The following AMOTL1 variants were observed in gnomAD, a reference collection of about 807,000 sequenced individuals.
The protein encoded by AMOTL1 is angiomotin like 1.
A neutral mutation model predicts 102.9 loss-of-function variants in AMOTL1; 45 were observed. The observed-to-expected ratio is 0.44, with a 90% CI of 0.34 to 0.56. AMOTL1 has a LOEUF of 0.56. AMOTL1 is among the 20% of genes least tolerant of loss of function. The pLI, the probability that AMOTL1 is intolerant of heterozygous loss-of-function variation, is 0.01. For synonymous variants in AMOTL1, 481 were observed against 484.7 expected (o/e 0.99, Z 0.10); for missense variants, 1,114 against 1,225.6 (o/e 0.91, Z 1.36).
chr11:94,855,882 A>T (rs1952651701), intron 8 of AMOTL1, among the ~76,000 whole-genome samples: 1 of 152,112 alleles, frequency 6.6e-6, no homozygotes. Context: ...CCAGTAGGGG[A>T]CAGAAATTTC....
At chr11:94,842,491 T>C in intron 6 of AMOTL1, among the ~76,000 whole-genome samples, 1 of 152,190 alleles carries the variant, frequency 6.6e-6, no homozygotes, top group Admixed American at 6.5e-5. Flanking sequence ...TTAGAAGAAT[T>C]TTGCTGCACA....
chr11:94,863,279 TAA>T (rs57178685), intron 9 of AMOTL1, among the ~76,000 whole-genome samples: 68 of 120,358 alleles, frequency 5.6e-4, no homozygotes, highest in Admixed American at 8.7e-4. Flanking sequence ...GGCTATTCTG[TAA>T]AAAAAAAAAA....
intron 3 of AMOTL1, among the ~76,000 whole-genome samples, chr11:94,758,055 C>T (rs1322156623): frequency 1.3e-5 from 2 of 152,142 alleles, no homozygotes; most frequent in African/African-American, 4.8e-5. Flanking sequence ...GAGTGAGACT[C>T]CATCTCAAAA....
At chr11:94,793,584 C>T (rs1370938710) in intron 1 of AMOTL1, among the ~76,000 whole-genome samples, 39 of 152,220 alleles carry the variant, frequency 2.6e-4, no homozygotes, top group Non-Finnish European at 4.4e-5. Context: ...AAAGAGGAAG[C>T]CAGATTAGGA....
intron 3 of AMOTL1, among the ~76,000 whole-genome samples, chr11:94,747,962 GA>G (rs1490050215): frequency 1.3e-5 from 2 of 152,142 alleles, no homozygotes; most frequent in African/African-American, 4.8e-5. Context: ...GGGTGGGGTG[GA>G]AAAATGTAGT....
rs191282221 is a variant in AMOTL1, at chr11:94,811,265, G to A, written c.1122-10265G>A. 4.1e-3 allele frequency among the ~76,000 whole-genome samples: 631 copies of A among 152,216 alleles called. 12 individuals are homozygous for A. The highest frequency in any genetic ancestry group is 0.035 in the South Asian group (167 of 4,796). ...CCCAGCACTTTGGGAGGCTGCAGCA[G>A]GTGGAATGGCTGAGGTCAGGGGTTC... is the stretch of plus-strand genomic sequence containing the variant. On this transcript the variant is annotated intron_variant, in intron 3 of 12. Coordinates refer to ENST00000433060, the MANE Select transcript of AMOTL1 (RefSeq NM_130847.3).
intron 3 of AMOTL1, among the ~76,000 whole-genome samples, chr11:94,818,652 A>G (rs1183449621): frequency 1.3e-5 from 2 of 152,232 alleles, no homozygotes; most frequent in African/African-American, 4.8e-5. Context: ...ACCTGTTATT[A>G]GATTCTAGTC....
At chr11:94,838,331 C>A in intron 6 of AMOTL1, among the ~76,000 whole-genome samples, 1 of 152,196 alleles carries the variant, frequency 6.6e-6, no homozygotes, top group Admixed American at 6.5e-5. Context: ...TGATCATTAT[C>A]ATTTATTCAA....
chr11:94,806,815 CTTA>C, intron 3 of AMOTL1, among the ~76,000 whole-genome samples: 1 of 152,234 alleles, frequency 6.6e-6, no homozygotes, highest in East Asian at 1.9e-4. Context: ...TGATTTTGAT[CTTA>C]GTTTACCCAA....
intron 1 of AMOTL1, among the ~76,000 whole-genome samples, chr11:94,710,876 T>A (rs779075808): frequency 6.6e-6 from 1 of 152,188 alleles, no homozygotes; most frequent in Non-Finnish European, 1.5e-5. Flanking sequence ...AGTCCTGTTC[T>A]TACCTTCCAC....
intron 1 of AMOTL1, among the ~76,000 whole-genome samples, chr11:94,714,025 T>C (rs1387723375): frequency 2.0e-5 from 3 of 151,948 alleles, no homozygotes. Flanking sequence ...TTGCAGATGT[T>C]TTGTAGAGGT....
At chr11:94,729,670 C>G (rs1168612953) in intron 2 of AMOTL1, among the ~76,000 whole-genome samples, 1 of 152,126 alleles carries the variant, frequency 6.6e-6, no homozygotes. Flanking sequence ...TCCCTCAAAT[C>G]TGATAGAGAC....
intron 3 of AMOTL1, among the ~76,000 whole-genome samples, chr11:94,745,057 TA>T (rs1217493514): frequency 3.3e-5 from 5 of 152,160 alleles, no homozygotes; most frequent in Admixed American, 6.6e-5. Flanking sequence ...CTTGACCTGC[TA>T]ACAAACTTTT....
Position 94,799,568 on chromosome 11 carries a change from A to T in AMOTL1, c.378A>T (p.Thr126=). ...MNLLAIQHQA[T]GSAGPAHPTN... is the part of the protein sequence containing the mutation. ...TGCTGGCCATTCAGCACCAGGCCAC[A>T]GGGAGTGCAGGACCAGCCCATCCTA... is the stretch of plus-strand genomic sequence containing the variant. The change falls in exon 3 of 13, where the codon ACA becomes ACT. Residue 126 remains threonine, a synonymous_variant. Transcript: ENST00000433060. This position sits in a 1 kb window ranked among gnomAD's most constrained non-coding sequence, Gnocchi z 4.5. 6.2e-7 allele frequency: 1 copy of T among 1,613,818 alleles called. No individual in the cohort carries two copies. The highest frequency in any genetic ancestry group is 8.5e-7 in the Non-Finnish European group (1 of 1,179,822).
intron 5 of AMOTL1, among the ~76,000 whole-genome samples, chr11:94,831,144 G>A (rs1478084099): frequency 1.3e-5 from 2 of 152,156 alleles, no homozygotes; most frequent in Non-Finnish European, 2.9e-5. Flanking sequence ...CTGTCTTTGT[G>A]AATACTTCAA....
At chr11:94,707,830 G>A (rs570596251) in intron 1 of AMOTL1, among the ~76,000 whole-genome samples, 12 of 152,082 alleles carry the variant, frequency 7.9e-5, no homozygotes, top group East Asian at 1.9e-4. Context: ...CAGCAGATTC[G>A]AACTCCATAT....
Position 94,821,579 on chromosome 11 carries a change from A to G in AMOTL1, c.1171A>G (p.Met391Val), listed in dbSNP as rs377638970. The change falls in exon 4 of 13, where the codon ATG (methionine) becomes GTG (valine). Residue 391 changes from methionine (M) to valine (V), a missense_variant. Coordinates refer to ENST00000433060, the MANE Select transcript of AMOTL1 (RefSeq NM_130847.3). ...ATCAACCATGCAGCAGCACAGCCCC[A>G]TGTCCTCCCAGACCTCTTCCGCCAG... is the stretch of plus-strand genomic sequence containing the variant. ...FPSTMQQHSP[M>V]SSQTSSASGP... 40 of 1,613,608 alleles carry G rather than the reference A, an allele frequency of 2.5e-5. No homozygotes were observed. Among genetic ancestry groups the G allele is most frequent in the Non-Finnish European group, 3.1e-5 (36 of 1,179,832 alleles).
chr11:94,821,888 C>A, intron 4 of AMOTL1, 67 bp downstream of exon 4: 2 of 1,568,676 alleles, frequency 1.3e-6, no homozygotes, highest in Admixed American at 1.7e-5. Context: ...AGTTGATGCA[C>A]TGACTGACTT....
At chr11:94,707,214 GTCTCTCTCTCTCTCTCTCTC>G (rs56290112) in intron 1 of AMOTL1, among the ~76,000 whole-genome samples, 1 of 132,248 alleles carries the variant, frequency 7.6e-6, no homozygotes, top group Non-Finnish European at 1.6e-5. Context: ...TATACATGAG[GTCTCTCTCTCTCTCTCTCTC>G]TCTCTCTCTC....
Sources: gnomAD v4.1 joint callset for allele counts (sites outside exome capture counted in the v4.1 genomes callset) on GRCh38, gnomAD v4.1.1 for gene constraint, Gnocchi (gnomAD v3.1) non-coding constraint, MANE v1.5 for transcripts, NCBI Gene and HGNC (gene_info 2026-07-23, HGNC 2026-07-21) for gene names.